SLC35D4: variants seen among roughly 807,000 people sequenced by gnomAD.
SLC35D4 encodes solute carrier family 35 member D4, also known as UDP-N-acetylglucosamine transporter SLC35D4.
At chr18:23,429,824 C>T in the SLC35D4 span, among the ~76,000 whole-genome samples, 7 of 152,156 alleles carry the variant, frequency 4.6e-5, no homozygotes, top group Admixed American at 3.9e-4. Flanking sequence ...AGTGTCTATT[C>T]GTGTACTTTG....
At chr18:23,382,255 AAAAG>A in the SLC35D4 span, among the ~76,000 whole-genome samples, 1 of 151,084 alleles carries the variant, frequency 6.6e-6, no homozygotes. Context: ...AAAAAAAAAA[AAAAG>A]AAAGAAAGGA....
the SLC35D4 span, among the ~76,000 whole-genome samples, chr18:23,377,430 T>A: frequency 6.6e-6 from 1 of 152,244 alleles, no homozygotes; most frequent in Non-Finnish European, 1.5e-5. Context: ...TAGCACAGGT[T>A]GGTTCTGGTG....
chr18:23,422,709 T>C, the SLC35D4 span, among the ~76,000 whole-genome samples: 1 of 152,150 alleles, frequency 6.6e-6, no homozygotes, highest in Non-Finnish European at 1.5e-5. Flanking sequence ...GCAGCAACCC[T>C]CAGCCTCTTT....
At chr18:23,385,327 A>G in the SLC35D4 span, among the ~76,000 whole-genome samples, 1 of 152,232 alleles carries the variant, frequency 6.6e-6, no homozygotes, top group Admixed American at 6.5e-5. Flanking sequence ...TGCATCCGGT[A>G]CAGAGAACAC....
At chr18:23,283,871 G>A in the SLC35D4 span, among the ~76,000 whole-genome samples, 4 of 152,004 alleles carry the variant, frequency 2.6e-5, no homozygotes, top group Non-Finnish European at 2.9e-5. Flanking sequence ...CAGTGGTATG[G>A]GCTGCTCAAC....
the SLC35D4 span, among the ~76,000 whole-genome samples, chr18:23,243,879 A>C: frequency 6.6e-6 from 1 of 152,098 alleles, no homozygotes; most frequent in South Asian, 2.1e-4. Context: ...TTTCAAAAAA[A>C]AAAAAAAAAA....
At chr18:23,368,050 T>C in the SLC35D4 span, among the ~76,000 whole-genome samples, 2 of 152,146 alleles carry the variant, frequency 1.3e-5, no homozygotes, top group African/African-American at 4.8e-5. Flanking sequence ...TATTTAAAAG[T>C]TATAAATCAA....
the SLC35D4 span, among the ~76,000 whole-genome samples, chr18:23,243,842 G>A: frequency 8.4e-3 from 1,260 of 149,550 alleles, 20 homozygotes; most frequent in African/African-American, 0.03. Flanking sequence ...ACTGTACCCC[G>A]GCCTGGGCGA....
the SLC35D4 span, among the ~76,000 whole-genome samples, chr18:23,247,199 C>T: frequency 1.3e-5 from 2 of 152,228 alleles, no homozygotes; most frequent in Non-Finnish European, 2.9e-5. Flanking sequence ...GGAGGCCCGG[C>T]CTCTAAGGGC....
chr18:23,339,972 C>T, the SLC35D4 span, among the ~76,000 whole-genome samples: 3 of 152,158 alleles, frequency 2.0e-5, no homozygotes, highest in Non-Finnish European at 1.5e-5. Context: ...AAAGGGGTTC[C>T]GCGAATAGTG....
chr18:23,311,748 A>G, the SLC35D4 span, among the ~76,000 whole-genome samples: 142 of 152,282 alleles, frequency 9.3e-4, 3 homozygotes, highest in African/African-American at 3.2e-3. Context: ...CAATTCATTA[A>G]TATTTAGCTG....
At chr18:23,295,513 GAAAC>G in the SLC35D4 span, among the ~76,000 whole-genome samples, 5 of 151,942 alleles carry the variant, frequency 3.3e-5, no homozygotes, top group South Asian at 6.3e-4. Context: ...ATTTTTCATG[GAAAC>G]AAACAAGACA....
the SLC35D4 span, among the ~76,000 whole-genome samples, chr18:23,286,764 C>T: frequency 3.9e-5 from 6 of 152,184 alleles, no homozygotes; most frequent in African/African-American, 1.4e-4. Flanking sequence ...TTAGACAATA[C>T]TCTTTTAAGC....
chr18:23,253,775 G>A, the SLC35D4 span: 3 of 1,614,212 alleles, frequency 1.9e-6, no homozygotes, highest in South Asian at 1.1e-5. Context: ...CTGTGGCCTT[G>A]AGGAGCCCAC....
At chr18:23,254,918 G>T in the SLC35D4 span, among the ~76,000 whole-genome samples, 4 of 152,236 alleles carry the variant, frequency 2.6e-5, no homozygotes, top group Non-Finnish European at 5.9e-5. Flanking sequence ...ATGCCATGCT[G>T]TGGGGGCTGT....
the SLC35D4 span, among the ~76,000 whole-genome samples, chr18:23,404,783 C>T: frequency 1.2e-4 from 18 of 150,548 alleles, 1 homozygote; most frequent in Middle Eastern, 3.4e-3. Context: ...GTAAAGAGAT[C>T]GAGACCATCC....
At chr18:23,257,310 C>T in the SLC35D4 span, 2 of 1,614,014 alleles carry the variant, frequency 1.2e-6, no homozygotes, top group South Asian at 1.1e-5. Context: ...AATTCGCCCT[C>T]CACTTGCCCG....
the SLC35D4 span, among the ~76,000 whole-genome samples, chr18:23,356,818 T>A: frequency 1.3e-5 from 2 of 152,210 alleles, no homozygotes; most frequent in Admixed American, 6.5e-5. The surrounding 1 kb of genome is among the most constrained non-coding windows in gnomAD (Gnocchi z 4.1). Context: ...GGGATTCTGT[T>A]ACTGACATTG....
the SLC35D4 span, among the ~76,000 whole-genome samples, chr18:23,315,829 G>A: frequency 3.3e-5 from 5 of 152,204 alleles, no homozygotes; most frequent in Admixed American, 6.5e-5. Context: ...TGGGGCCTGG[G>A]AGGCAGAGTC....
Sources: allele counts gnomAD v4.1 joint callset (sites outside exome capture counted in the v4.1 genomes callset), GRCh38; gene constraint gnomAD v4.1.1; non-coding constraint Gnocchi (gnomAD v3.1); transcripts MANE v1.5; gene names NCBI Gene and HGNC (gene_info 2026-07-23, HGNC 2026-07-21).